BICD1: variants seen among roughly 807,000 people sequenced by gnomAD.
BICD1 encodes the protein protein bicaudal D homolog 1.
In BICD1, 35 loss-of-function variants were observed where a neutral mutation model predicts 92.5. That is an observed-to-expected ratio of 0.38 (90% CI 0.29 to 0.50). The LOEUF (loss-of-function observed/expected upper bound fraction) is 0.50. Among genes scored for constraint, BICD1 ranks in the 20% least tolerant of loss-of-function variants. The pLI is 0.93. For missense variants in BICD1, 950 were observed against 1,189.8 expected, an observed-to-expected ratio of 0.80 and a Z score of 2.97; for synonymous variants, 429 against 465.1, an observed-to-expected ratio of 0.92 and a Z score of 1.00.
intron 1 of BICD1, among the ~76,000 whole-genome samples, chr12:32,132,643 C>T (rs376659781): frequency 3.9e-5 from 6 of 152,040 alleles, no homozygotes; most frequent in East Asian, 1.9e-4. Flanking sequence ...GGCAGTACTG[C>T]CTTCAACCAG....
rs148852935 is a variant in BICD1, at chr12:32,131,847, G to A, written c.213+24303G>A. Among the ~76,000 whole-genome samples, 12 of 152,294 alleles carry A rather than the reference G, an allele frequency of 7.9e-5. 1 individual carries two copies. Among genetic ancestry groups the A allele is most frequent in the African/African-American group, 1.7e-4 (7 of 41,562 alleles). The stretch of plus-strand genomic sequence containing the variant: ...GCCCTCAGCGGGTTGACACACTTGT[G>A]GGGGAGAAAGGCAACAAAAGCTTAA... On this transcript the variant is annotated intron_variant, in intron 1 of 9. Transcript: ENST00000652176.
At chr12:32,199,848 TA>T (rs1944853946) in intron 1 of BICD1, among the ~76,000 whole-genome samples, 1 of 152,094 alleles carries the variant, frequency 6.6e-6, no homozygotes, top group African/African-American at 2.4e-5. Flanking sequence ...AGACCCACAA[TA>T]AAACTCGTTT....
At chr12:32,299,031 T>C (rs967931012) in intron 3 of BICD1, among the ~76,000 whole-genome samples, 2 of 152,218 alleles carry the variant, frequency 1.3e-5, no homozygotes, top group African/African-American at 4.8e-5. Flanking sequence ...CTCAAAGAGC[T>C]TGTAGTCCCA....
Position 32,276,131 on chromosome 12 carries a change from C to T in BICD1, c.427-17863C>T, listed in dbSNP as rs150136362. 9.8e-3 allele frequency among the ~76,000 whole-genome samples: 1,489 copies of T among 152,256 alleles called. 19 individuals carry two copies. Among genetic ancestry groups the T allele is most frequent in the Non-Finnish European group, 0.013 (862 of 68,022 alleles). ...AACTGTAAAACTACAAATGGTTCTT[C>T]AAATGGAGCCCCAGATGCAGTCCAT... On this transcript the variant is annotated intron_variant, in intron 2 of 9. Coordinates refer to ENST00000652176, the MANE Select transcript of BICD1 (RefSeq NM_001714.4).
chr12:32,249,827 G>T (rs1323535216), intron 2 of BICD1, among the ~76,000 whole-genome samples: 1 of 151,844 alleles, frequency 6.6e-6, no homozygotes, highest in Non-Finnish European at 1.5e-5. Context: ...ATTTGCAAGT[G>T]ATTTTATTGC....
intron 9 of BICD1, among the ~76,000 whole-genome samples, chr12:32,371,106 A>C (rs2136336521): frequency 6.6e-6 from 1 of 152,226 alleles, no homozygotes; most frequent in Non-Finnish European, 1.5e-5. Context: ...TTCTGAGATT[A>C]ATAAATTTAG....
chr12:32,321,925 G>C (rs541190325), intron 4 of BICD1, among the ~76,000 whole-genome samples: 1 of 151,900 alleles, frequency 6.6e-6, no homozygotes, highest in African/African-American at 2.4e-5. Context: ...CTTGAACCTA[G>C]AAGGCGGAGG....
At chr12:32,356,422 C>T (rs758571987) in intron 8 of BICD1, among the ~76,000 whole-genome samples, 4 of 152,056 alleles carry the variant, frequency 2.6e-5, no homozygotes, top group Admixed American at 6.6e-5. Context: ...GAGGCTGAGG[C>T]GAGCGGATCG....
At chr12:32,214,298 TG>T (rs1945293499) in intron 1 of BICD1, among the ~76,000 whole-genome samples, 1 of 152,202 alleles carries the variant, frequency 6.6e-6, no homozygotes, top group Non-Finnish European at 1.5e-5. Flanking sequence ...AAACAAAATC[TG>T]GGTGCTGGAT....
At chr12:32,256,785 G>A (rs540289141) in intron 2 of BICD1, among the ~76,000 whole-genome samples, 222 of 152,206 alleles carry the variant, frequency 1.5e-3, no homozygotes, top group Non-Finnish European at 2.5e-3. Flanking sequence ...AGCATTACAC[G>A]AAATAAACAC....
intron 4 of BICD1, among the ~76,000 whole-genome samples, chr12:32,316,712 TTTA>T (rs1948512567): frequency 6.6e-6 from 1 of 152,136 alleles, no homozygotes; most frequent in East Asian, 1.9e-4. Flanking sequence ...TTTTTAAAAT[TTTA>T]TTATTATACT....
chr12:32,311,025 G>A (rs898170807), intron 4 of BICD1, among the ~76,000 whole-genome samples: 7 of 151,968 alleles, frequency 4.6e-5, no homozygotes, highest in African/African-American at 7.3e-5. Context: ...TGCCTCTGTC[G>A]ACGAAGCAAG....
chr12:32,166,675 T>C (rs977526760), intron 1 of BICD1, among the ~76,000 whole-genome samples: 8 of 152,178 alleles, frequency 5.3e-5, no homozygotes, highest in Non-Finnish European at 8.8e-5. Context: ...TCCACATTTG[T>C]AAGCCTCTAC....
intron 2 of BICD1, 43 bp from the exon 3 acceptor site, chr12:32,293,944 AAATCTAC>A: frequency 1.3e-6 from 2 of 1,559,962 alleles, no homozygotes; most frequent in Non-Finnish European, 1.7e-6. Flanking sequence ...ACACCTTGTA[AAATCTAC>A]AATAAGAGAG....
chr12:32,244,372 G>A (rs113192961), intron 2 of BICD1, among the ~76,000 whole-genome samples: 8 of 152,160 alleles, frequency 5.3e-5, no homozygotes, highest in African/African-American at 1.9e-4. Context: ...TCATAGCAAG[G>A]TTTTCATCAT....
In BICD1 at chr12:32,377,576, C is replaced by T; in HGVS notation, c.2877C>T (p.Ser959=). 6.2e-7 allele frequency: 1 copy of T among 1,614,114 alleles called. No homozygotes were observed. Among genetic ancestry groups the T allele is most frequent in the South Asian group, 1.1e-5 (1 of 91,078 alleles). The part of the protein sequence containing the change: ...DTALPEEQPH[S]SSQCAPLHCL... ...CTCTCCCTGAGGAGCAGCCACATTC[C>T]AGCTCCCAGTGCGCCCCTCTCCACT... The change falls in exon 10 of 10, where the codon TCC becomes TCT. Residue 959 remains serine (S), a synonymous_variant. Transcript: ENST00000652176.
intron 1 of BICD1, among the ~76,000 whole-genome samples, chr12:32,117,757 TA>T (rs58410355): frequency 0.27 from 26,173 of 98,724 alleles, 3,339 homozygotes; most frequent in Admixed American, 0.45. Flanking sequence ...TATATATATA[TA>T]TTTTTTTTTA....
intron 1 of BICD1, chr12:32,109,218 A>G (rs556452776): frequency 4.6e-5 from 7 of 152,468 alleles, no homozygotes; most frequent in African/African-American, 1.7e-4. Flanking sequence ...CCTTTGCTAC[A>G]CCATGAGCTT....
intron 3 of BICD1, 73 bp downstream of exon 3, chr12:32,294,219 A>C: frequency 7.3e-7 from 1 of 1,363,728 alleles, no homozygotes; most frequent in Non-Finnish European, 1.0e-6. Context: ...TAAATCTCCA[A>C]ACTTGTCAGA....
Sources: gnomAD v4.1 joint callset for allele counts (sites outside exome capture counted in the v4.1 genomes callset) on GRCh38, gnomAD v4.1.1 for gene constraint, MANE v1.5 for transcripts, NCBI Gene and HGNC (gene_info 2026-07-23, HGNC 2026-07-21) for gene names.